The following LYPLAL1 variants were observed in gnomAD, a reference collection of about 807,000 sequenced individuals.
The protein encoded by LYPLAL1 is lysophospholipase like 1.
In LYPLAL1, 23 loss-of-function variants were observed where a neutral mutation model predicts 19.7. The ratio of observed to expected loss-of-function variants is 1.17; its 90% CI spans 0.84 to 1.65. LYPLAL1 has a LOEUF of 1.65. Among genes scored for constraint, LYPLAL1 ranks in the 40% most tolerant of loss-of-function variants. The probability of loss-of-function intolerance (pLI) is 0.00; values close to 1 mark genes in which losing one functional copy is unlikely to be tolerated. For missense variants in LYPLAL1, 355 were observed against 279.4 expected (o/e 1.27, Z -1.93); for synonymous variants, 119 against 96.3 (o/e 1.24, Z -1.38).
At chr1:219,260,248 G>GA in the LYPLAL1 span, among the ~76,000 whole-genome samples, 21 of 151,426 alleles carry the variant, frequency 1.4e-4, no homozygotes, top group Non-Finnish European at 2.4e-4. Context: ...TGGTATTAAA[G>GA]AAAAAAAATC....
At chr1:219,411,738 C>A in the LYPLAL1 span, 1 of 157,416 alleles carries the variant, frequency 6.4e-6, no homozygotes, top group Non-Finnish European at 1.4e-5. Context: ...TGCAGCTTCA[C>A]TCCTGAGCCA....
chr1:219,354,556 G>A, the LYPLAL1 span, among the ~76,000 whole-genome samples: 3 of 152,108 alleles, frequency 2.0e-5, no homozygotes, highest in Admixed American at 6.5e-5. Context: ...TTAACCTAAA[G>A]CAATGTATAA....
chr1:219,385,537 T>C, the LYPLAL1 span, among the ~76,000 whole-genome samples: 2 of 142,948 alleles, frequency 1.4e-5, no homozygotes. Flanking sequence ...AAAAATAATT[T>C]TATATTATGT....
At chr1:219,222,604 C>G in the LYPLAL1 span, 14 of 152,244 alleles carry the variant, frequency 9.2e-5, no homozygotes, top group Admixed American at 5.2e-4. Flanking sequence ...CACACCACCC[C>G]CCTCATCTTC....
intron 2 of LYPLAL1, among the ~76,000 whole-genome samples, chr1:219,192,490 G>A (rs1445619198): frequency 6.6e-6 from 1 of 151,630 alleles, no homozygotes; most frequent in Admixed American, 6.6e-5. Flanking sequence ...TACGTGAGGA[G>A]AAAGCAGGGC....
chr1:219,244,443 G>T, the LYPLAL1 span, among the ~76,000 whole-genome samples: 1 of 152,184 alleles, frequency 6.6e-6, no homozygotes, highest in African/African-American at 2.4e-5. Flanking sequence ...GAGGGATACT[G>T]CCTGGTAGAG....
chr1:219,193,326 C>A, intron 3 of LYPLAL1, 75 bp downstream of exon 3: 1 of 1,224,918 alleles, frequency 8.2e-7, no homozygotes, highest in Non-Finnish European at 1.1e-6. Flanking sequence ...TTACTTGGAA[C>A]ATTATTTAGA....
intron 3 of LYPLAL1, among the ~76,000 whole-genome samples, chr1:219,206,284 T>A (rs929532353): frequency 3.3e-5 from 5 of 152,164 alleles, no homozygotes; most frequent in African/African-American, 1.2e-4. Flanking sequence ...CTTGACATTT[T>A]AAATACTTTG....
the LYPLAL1 span, among the ~76,000 whole-genome samples, chr1:219,426,077 A>AT: frequency 6.6e-6 from 1 of 152,214 alleles, no homozygotes; most frequent in Non-Finnish European, 1.5e-5. Context: ...GCATGGGAAA[A>AT]TGAACTTAAC....
chr1:219,348,417 C>A, the LYPLAL1 span, among the ~76,000 whole-genome samples: 1 of 152,202 alleles, frequency 6.6e-6, no homozygotes, highest in African/African-American at 2.4e-5. Context: ...ATCATTAGTG[C>A]TGAAAGGGGC....
chr1:219,368,846 A>C, the LYPLAL1 span, among the ~76,000 whole-genome samples: 1 of 152,246 alleles, frequency 6.6e-6, no homozygotes, highest in African/African-American at 2.4e-5. Context: ...TTAAACTAAA[A>C]GCAGAGTTTG....
At chr1:219,252,377 T>C in the LYPLAL1 span, among the ~76,000 whole-genome samples, 1 of 152,108 alleles carries the variant, frequency 6.6e-6, no homozygotes, top group Non-Finnish European at 1.5e-5. Flanking sequence ...AGGTGAAGAC[T>C]TCTGGCTTTT....
At chr1:219,375,736 A>ATT in the LYPLAL1 span, among the ~76,000 whole-genome samples, 25,941 of 134,338 alleles carry the variant, frequency 0.19, 2,924 homozygotes, top group Admixed American at 0.29. Flanking sequence ...ATGCTTCCTG[A>ATT]TTTTTTTTTT....
At position 219,196,104 on chromosome 1, in the gene LYPLAL1, G is replaced by A. The variant is rs1453044841; in HGVS notation, c.361+2853G>A. 2.6e-5 allele frequency among the ~76,000 whole-genome samples: 4 copies of A among 152,000 alleles called. No individual in the cohort carries two copies. In the East Asian group the frequency reaches 5.8e-4, roughly 22 times the overall value. Reference sequence around the variant, plus strand: ...TTGATGGGCGTTTGGATTGATTCATGTCTGCTATTGTGAATACTGCTGCAG... The same window carrying A: ...TTGATGGGCGTTTGGATTGATTCATATCTGCTATTGTGAATACTGCTGCAG... On this transcript the variant is annotated intron_variant, in intron 3 of 4. Transcript: ENST00000366928.
chr1:219,282,705 C>T, the LYPLAL1 span, among the ~76,000 whole-genome samples: 4 of 151,974 alleles, frequency 2.6e-5, no homozygotes, highest in Non-Finnish European at 4.4e-5. Context: ...CAGTGATTTT[C>T]AACTGAGAAT....
chr1:219,182,903 G>A (rs1656413944), intron 2 of LYPLAL1, among the ~76,000 whole-genome samples: 1 of 152,064 alleles, frequency 6.6e-6, no homozygotes, highest in East Asian at 1.9e-4. Flanking sequence ...TTGTTACATG[G>A]AAGTGATGCT....
the LYPLAL1 span, among the ~76,000 whole-genome samples, chr1:219,310,879 G>C: frequency 2.0e-5 from 3 of 152,200 alleles, no homozygotes; most frequent in Non-Finnish European, 4.4e-5. Flanking sequence ...ACTCTTAGTA[G>C]CCTCCAATTC....
the LYPLAL1 span, among the ~76,000 whole-genome samples, chr1:219,305,438 C>T: frequency 3.3e-5 from 5 of 151,994 alleles, no homozygotes; most frequent in East Asian, 1.9e-4. Context: ...AAAAAACAGC[C>T]GAAGATGCCT....
At chr1:219,305,047 G>T in the LYPLAL1 span, among the ~76,000 whole-genome samples, 1 of 152,156 alleles carries the variant, frequency 6.6e-6, no homozygotes, top group Admixed American at 6.5e-5. Context: ...ATTACTCACT[G>T]GTTCGGCATA....
Sources: allele counts gnomAD v4.1 joint callset (sites outside exome capture counted in the v4.1 genomes callset), GRCh38; gene constraint gnomAD v4.1.1; transcripts MANE v1.5; gene names NCBI Gene and HGNC (gene_info 2026-07-23, HGNC 2026-07-21).